The following PREX2 variants were observed in gnomAD, a reference collection of about 807,000 sequenced individuals.
PREX2 encodes the protein phosphatidylinositol-3,4,5-trisphosphate dependent Rac exchange factor 2.
In PREX2, 107 loss-of-function variants were observed where a neutral mutation model predicts 203.2. That is an observed-to-expected ratio of 0.53 (90% CI 0.45 to 0.62). The LOEUF (loss-of-function observed/expected upper bound fraction) is 0.62. PREX2 is among the 20% of genes least tolerant of loss of function. PREX2 has a pLI of 0.00. For synonymous variants in PREX2, 672 were observed against 663.6 expected (o/e 1.01, Z -0.19); for missense variants, 1,777 against 1,955.9 (o/e 0.91, Z 1.72).
chr8:68,169,175 C>T (rs1166033110), intron 35 of PREX2, among the ~76,000 whole-genome samples: 6 of 152,088 alleles, frequency 3.9e-5, no homozygotes, highest in Admixed American at 2.0e-4. Context: ...TTCCTACAAA[C>T]GAGTGTTCTA....
chr8:68,044,191 G>C, intron 7 of PREX2, among the ~76,000 whole-genome samples: 1 of 152,006 alleles, frequency 6.6e-6, no homozygotes, highest in African/African-American at 2.4e-5. Flanking sequence ...GTCTGATTGG[G>C]CACCGCTAAT....
At chr8:68,201,872 T>C (rs1481955488) in intron 37 of PREX2, among the ~76,000 whole-genome samples, 2 of 150,704 alleles carry the variant, frequency 1.3e-5, no homozygotes, top group African/African-American at 4.9e-5. Flanking sequence ...GAGATTTAAA[T>C]ACCCAGGAAG....
chr8:68,100,170 C>G, intron 23 of PREX2: 1 of 482,284 alleles, frequency 2.1e-6, no homozygotes, highest in Non-Finnish European at 4.1e-6. Context: ...TAAAATTATA[C>G]TATAGTTCTT....
chr8:68,143,063 A>G (rs1811257318), intron 33 of PREX2, among the ~76,000 whole-genome samples: 1 of 152,146 alleles, frequency 6.6e-6, no homozygotes, highest in South Asian at 2.1e-4. Flanking sequence ...ATCATTTCAT[A>G]TGATTATTTG....
rs762075327 is a variant in PREX2, at chr8:68,087,720, T to G, written c.2028-4T>G. Reference sequence around the variant, plus strand: ...CATCTTACCTTATTTTCTGATTGATTTAGGACAGTGAAAATTCCAGATTCA... The same window carrying G: ...CATCTTACCTTATTTTCTGATTGATGTAGGACAGTGAAAATTCCAGATTCA... On this transcript the variant is annotated splice_polypyrimidine_tract_variant and splice_region_variant and intron_variant, in intron 18 of 39. Coordinates refer to ENST00000288368, the MANE Select transcript of PREX2 (RefSeq NM_024870.4). 23 of 1,609,214 alleles carry G rather than the reference T, an allele frequency of 1.4e-5. No individual in the cohort carries two copies. The Admixed American group carries it at 3.7e-4, about 26-fold the overall frequency.
At chr8:68,179,551 T>C (rs769836391) in intron 35 of PREX2, among the ~76,000 whole-genome samples, 2 of 152,080 alleles carry the variant, frequency 1.3e-5, no homozygotes, top group Non-Finnish European at 1.5e-5. Flanking sequence ...AAAGAGCCAG[T>C]GTTAGCAGTT....
At chr8:68,194,526 G>A (rs908776413) in intron 37 of PREX2, among the ~76,000 whole-genome samples, 1 of 151,884 alleles carries the variant, frequency 6.6e-6, no homozygotes, top group South Asian at 2.1e-4. Context: ...AGTGGCTCAT[G>A]CCTATAATCC....
At chr8:68,102,923 G>C in intron 23 of PREX2, 1 of 517,916 alleles carries the variant, frequency 1.9e-6, no homozygotes, top group South Asian at 1.4e-5. Context: ...AGGATTTGGG[G>C]ACAATTCGGA....
At chr8:68,164,530 A>T (rs1195151776) in intron 35 of PREX2, among the ~76,000 whole-genome samples, 1 of 151,506 alleles carries the variant, frequency 6.6e-6, no homozygotes, top group Non-Finnish European at 1.5e-5. Context: ...ATCAGATTAT[A>T]GCCAAGAAAA....
chr8:67,957,355 A>G (rs1019250991), intron 1 of PREX2, among the ~76,000 whole-genome samples: 30 of 152,110 alleles, frequency 2.0e-4, no homozygotes, highest in African/African-American at 6.3e-4. Flanking sequence ...TCCTCACTCT[A>G]TTATTCAGCT....
intron 11 of PREX2, among the ~76,000 whole-genome samples, chr8:68,065,611 G>A (rs903802532): frequency 3.9e-5 from 6 of 152,162 alleles, no homozygotes; most frequent in African/African-American, 1.4e-4. Flanking sequence ...TGCATCAAAT[G>A]TAGTTAATGA....
At chr8:68,036,244 T>A (rs1808027444) in intron 6 of PREX2, among the ~76,000 whole-genome samples, 1 of 152,164 alleles carries the variant, frequency 6.6e-6, no homozygotes, top group Admixed American at 6.5e-5. Context: ...GCACTTTCAA[T>A]CAGTTGTAAG....
intron 6 of PREX2, among the ~76,000 whole-genome samples, chr8:68,037,780 C>A (rs1224375247): frequency 6.6e-6 from 1 of 152,066 alleles, no homozygotes; most frequent in Non-Finnish European, 1.5e-5. Flanking sequence ...CCTGTGGAGG[C>A]TGTTTTTCCC....
chr8:67,981,005 G>A (rs4737872), intron 1 of PREX2, among the ~76,000 whole-genome samples: 52,416 of 152,084 alleles, frequency 0.34, 9,444 homozygotes, highest in East Asian at 0.61. Flanking sequence ...AGTAATCTAG[G>A]GGGCAATTGG....
intron 32 of PREX2, among the ~76,000 whole-genome samples, chr8:68,135,205 G>A (rs572408945): frequency 6.6e-6 from 1 of 152,072 alleles, no homozygotes; most frequent in Admixed American, 6.6e-5. Flanking sequence ...AAATGAGTAA[G>A]GCTTTATTTT....
At position 68,069,111 on chromosome 8, in the gene PREX2, A is replaced by G; in HGVS notation, c.1418A>G (p.Asn473Ser). 6.4e-7 allele frequency: 1 copy of G among 1,572,806 alleles called. No individual in the cohort carries two copies. Among genetic ancestry groups the G allele is most frequent in the East Asian group, 2.3e-5 (1 of 42,610 alleles). ...GATGATGGAACATTTTATCCAAGAA[A>G]TGAGATGCAGGACGTGATTTCAAAG... ...RYDDGTFYPR[N>S]EMQDVISKGV... The change falls in exon 12 of 40, where the codon AAT becomes AGT. Residue 473 changes from asparagine (N) to serine (S), a missense_variant. Asn to Ser is a conservative substitution (Grantham distance 46, BLOSUM62 1). Transcript: ENST00000288368.
chr8:68,169,357 G>A (rs1162117328), intron 35 of PREX2, among the ~76,000 whole-genome samples: 1 of 151,896 alleles, frequency 6.6e-6, no homozygotes, highest in Non-Finnish European at 1.5e-5. Flanking sequence ...TGCTGGACAA[G>A]CAAAGTCAAT....
chr8:67,990,237 T>C (rs923126972), intron 1 of PREX2, among the ~76,000 whole-genome samples: 1 of 151,904 alleles, frequency 6.6e-6, no homozygotes, highest in Non-Finnish European at 1.5e-5. Context: ...CTGCCCATCT[T>C]GGCCTCCCAA....
Position 68,093,156 on chromosome 8 carries a change from C to T in PREX2, c.2251-449C>T, listed in dbSNP as rs559004328. Among the ~76,000 whole-genome samples the T allele has an allele frequency of 2.2e-4, 34 of 151,946 alleles. No homozygotes were observed. In the East Asian group the frequency reaches 5.4e-3, roughly 24 times the overall value. On this transcript the variant is annotated intron_variant, in intron 20 of 39. Coordinates refer to ENST00000288368, the MANE Select transcript of PREX2 (RefSeq NM_024870.4). The stretch of plus-strand genomic sequence containing the variant: ...CTGTAATCCCAGCACTTTGGGAGGC[C>T]GAGGCAGGCAGATCACCTGAGGTCG...
Sources: allele counts gnomAD v4.1 joint callset (sites outside exome capture counted in the v4.1 genomes callset), GRCh38; gene constraint gnomAD v4.1.1; transcripts MANE v1.5; gene names NCBI Gene and HGNC (gene_info 2026-07-23, HGNC 2026-07-21).